Variants in SPON1 observed in about 807,000 individuals in gnomAD.
SPON1 encodes spondin 1.
A neutral mutation model predicts 111.7 loss-of-function variants in SPON1; 52 were observed. That is an observed-to-expected ratio of 0.47 (90% confidence interval 0.37 to 0.59). SPON1 has a LOEUF of 0.59. Among genes scored for constraint, SPON1 ranks in the 20% least tolerant of loss-of-function variants. The pLI is 0.00. For synonymous variants in SPON1, 410 were observed against 395.8 expected, an observed-to-expected ratio of 1.04 and a Z score of -0.43; for missense variants, 957 against 1,068.5, an observed-to-expected ratio of 0.90 and a Z score of 1.46.
chr11:14,045,744 A>T (rs1344278915), intron 3 of SPON1, among the ~76,000 whole-genome samples: 2 of 151,346 alleles, frequency 1.3e-5, no homozygotes, highest in Non-Finnish European at 2.9e-5. Flanking sequence ...TATGTTTAAA[A>T]TTGCTCTTTA....
At position 14,255,668 on chromosome 11, in the gene SPON1, C is replaced by T. The variant is rs367855100; in HGVS notation, c.1114C>T (p.Pro372Ser). 26 of 1,613,782 alleles carry T rather than the reference C, an allele frequency of 1.6e-5. No homozygotes were observed. The highest frequency in any genetic ancestry group is 2.0e-5 in the Non-Finnish European group (24 of 1,179,854). The change falls in exon 9 of 16, where the codon CCC becomes TCC. Residue 372 changes from proline to serine, a missense_variant. Physicochemically the swap from Pro to Ser is moderately conservative, Grantham distance 74. Transcript: ENST00000576479. ...GCAGTCACCCAACAAACCCACCATT[C>T]CCCAGGAGAAAATCCGGCCCCTGAC... Reference protein sequence around the residue: ...TYESPNKPTIPQEKIRPLTSL... With the variant: ...TYESPNKPTISQEKIRPLTSL...
chr11:14,263,084 A>T, intron 15 of SPON1, 109 bp downstream of exon 15: 1 of 1,198,494 alleles, frequency 8.3e-7, no homozygotes, highest in South Asian at 1.6e-5. Context: ...AGTCGGGGAG[A>T]GTCTGCATCT....
chr11:14,003,321 C>T (rs1848333693), intron 2 of SPON1, among the ~76,000 whole-genome samples: 1 of 152,144 alleles, frequency 6.6e-6, no homozygotes, highest in Admixed American at 6.5e-5. Flanking sequence ...GGGGAACTTA[C>T]TTACAGAAGT....
rs1210573592 is a variant in SPON1 at position 14,267,259 on chromosome 11, T to C, written c.*1572T>C. On this transcript the variant is annotated 3_prime_UTR_variant, in exon 16 of 16. Transcript: ENST00000576479. ...AGTGTTCAGAAGGTTCTTTTTTATA[T>C]TGTCCTCCACCTCCATCATTTTCAA... The C allele has an allele frequency of 6.6e-6, 1 of 152,224 alleles. No homozygotes were observed. The highest frequency in any genetic ancestry group is 2.4e-5 in the African/African-American group (1 of 41,460). 9.4% of individuals were successfully genotyped at this position (152,224 alleles called of 1,614,324 possible). A position where few individuals can be genotyped will look rare whatever the true frequency, so the allele number is the denominator to read the frequency against.
intron 6 of SPON1, among the ~76,000 whole-genome samples, chr11:14,240,172 T>C (rs1848910038): frequency 6.6e-6 from 1 of 152,202 alleles, no homozygotes; most frequent in African/African-American, 2.4e-5. Context: ...ATGGTGTGGC[T>C]TTGCTTTTTC....
intron 6 of SPON1, among the ~76,000 whole-genome samples, chr11:14,178,754 T>C (rs1848207503): frequency 6.6e-6 from 1 of 152,232 alleles, no homozygotes; most frequent in African/African-American, 2.4e-5. Context: ...CCGGCCCTGT[T>C]TCAAGTTATC....
At position 14,265,682 on chromosome 11, in the gene SPON1, T is replaced by C; in HGVS notation, c.2419T>C (p.Cys807Arg). ...GATCAGAGCATGCAATGTTCATCCT[T>C]GTTAGCAAGGGTACGAGTTCCCCAG... is the stretch of plus-strand genomic sequence containing the variant. ...KEIRACNVHP[C>R] Residue 807 changes from cysteine to arginine, a missense_variant, in exon 16 of 16, where the codon TGT becomes CGT. Coordinates refer to ENST00000576479, the MANE Select transcript of SPON1 (RefSeq NM_006108.4). 6.2e-7 allele frequency: 1 copy of C among 1,613,326 alleles called. No individual in the cohort carries two copies. The highest frequency in any genetic ancestry group is 8.5e-7 in the Non-Finnish European group (1 of 1,179,668).
intron 3 of SPON1, among the ~76,000 whole-genome samples, chr11:14,060,701 T>C (rs1554919755): frequency 6.6e-6 from 1 of 152,212 alleles, no homozygotes; most frequent in Non-Finnish European, 1.5e-5. Flanking sequence ...CAACCAGGGC[T>C]GCAAACCCTG....
chr11:14,096,753 G>T (rs946843720), intron 5 of SPON1, among the ~76,000 whole-genome samples: 9 of 152,128 alleles, frequency 5.9e-5, no homozygotes, highest in Admixed American at 5.2e-4. Context: ...ACTCTGCCAG[G>T]CCCTTATAAA....
chr11:14,104,104 T>A (rs960529625), intron 5 of SPON1, among the ~76,000 whole-genome samples: 42 of 152,242 alleles, frequency 2.8e-4, no homozygotes, highest in African/African-American at 9.9e-4. Context: ...TTAGTAGACC[T>A]TTTTAGTGAT....
intron 2 of SPON1, among the ~76,000 whole-genome samples, chr11:14,025,362 G>A (rs782027168): frequency 1.3e-5 from 2 of 152,198 alleles, no homozygotes; most frequent in Non-Finnish European, 2.9e-5. Flanking sequence ...TATTGATCAA[G>A]TATATATGAT....
intron 7 of SPON1, among the ~76,000 whole-genome samples, chr11:14,253,346 G>A (rs1198472595): frequency 6.6e-6 from 1 of 152,234 alleles, no homozygotes; most frequent in Non-Finnish European, 1.5e-5. Context: ...GCTAAGTACT[G>A]TCTGCAAGCT....
chr11:14,085,964 T>A (rs1849002958), intron 5 of SPON1, among the ~76,000 whole-genome samples: 1 of 152,310 alleles, frequency 6.6e-6, no homozygotes, highest in Non-Finnish European at 1.5e-5. Flanking sequence ...ATTATTGGTG[T>A]ATAGGAATGT....
intron 2 of SPON1, among the ~76,000 whole-genome samples, chr11:14,036,395 G>A (rs1298602102): frequency 4.6e-5 from 7 of 152,158 alleles, no homozygotes; most frequent in African/African-American, 1.7e-4. Context: ...AGGTAAGATG[G>A]ACAACATTTA....
Position 13,975,487 on chromosome 11 carries a change from G to A in SPON1, c.239-7360G>A, listed in dbSNP as rs182950897. Among the ~76,000 whole-genome samples the A allele has an allele frequency of 2.3e-4, 35 of 152,340 alleles. 1 individual carries two copies. Among genetic ancestry groups the A allele is most frequent in the Admixed American group, 2.2e-3 (34 of 15,306 alleles). ...GATGCAGTGGAGTTCAAGACAATTT[G>A]TTTCTGCACTCATGGAGAGTACAGG... On this transcript the variant is annotated intron_variant, in intron 1 of 15. Transcript: ENST00000576479.
At chr11:14,155,432 T>A (rs7478740) in intron 6 of SPON1, among the ~76,000 whole-genome samples, 59,678 of 151,942 alleles carry the variant, frequency 0.39, 11,980 homozygotes, top group East Asian at 0.55. Flanking sequence ...GAAACTGACA[T>A]GTCCTACATG....
chr11:14,211,461 C>T (rs1848576611), intron 6 of SPON1, among the ~76,000 whole-genome samples: 1 of 152,162 alleles, frequency 6.6e-6, no homozygotes, highest in Admixed American at 6.5e-5. Context: ...CTACAAACCA[C>T]TGCTCAAGGA....
chr11:14,035,635 T>TTTA (rs1564890451), intron 2 of SPON1, among the ~76,000 whole-genome samples: 1 of 124,320 alleles, frequency 8.0e-6, no homozygotes, highest in African/African-American at 2.6e-5. Flanking sequence ...TTTTTTTTTT[T>TTTA]AAGACAGGGT....
chr11:14,175,390 A>G (rs1453828433), intron 6 of SPON1, among the ~76,000 whole-genome samples: 5 of 152,170 alleles, frequency 3.3e-5, no homozygotes, highest in Non-Finnish European at 5.9e-5. Flanking sequence ...GAAATTTCCT[A>G]CAGTATTGGT....
Sources: gnomAD v4.1 joint callset for allele counts (sites outside exome capture counted in the v4.1 genomes callset) on GRCh38, gnomAD v4.1.1 for gene constraint, MANE v1.5 for transcripts, NCBI Gene and HGNC (gene_info 2026-07-23, HGNC 2026-07-21) for gene names.